Variants in POU2F3 observed in about 807,000 individuals in gnomAD.
The protein encoded by POU2F3 is POU domain, class 2, transcription factor 3.
POU2F3 carries 23 observed loss-of-function variants against 59.2 expected under a neutral mutation model. The observed-to-expected ratio is 0.39, with a 90% CI of 0.28 to 0.55. The LOEUF is 0.55. Ranked by LOEUF, POU2F3 falls within the 20% of genes least tolerant of loss-of-function variation. The probability of loss-of-function intolerance (pLI) is 0.66; values close to 1 mark genes in which losing one functional copy is unlikely to be tolerated. For synonymous variants in POU2F3, 190 were observed against 214.6 expected (o/e 0.89, Z 1.00); for missense variants, 473 against 544.5 (o/e 0.87, Z 1.31).
At chr11:120,266,581 C>T (rs986155021) in intron 2 of POU2F3, among the ~76,000 whole-genome samples, 4 of 152,140 alleles carry the variant, frequency 2.6e-5, no homozygotes, top group African/African-American at 9.7e-5. Flanking sequence ...TGTCCCTCAG[C>T]GTGCAAGCCT....
intron 2 of POU2F3, among the ~76,000 whole-genome samples, chr11:120,263,778 G>T (rs992128904): frequency 2.6e-5 from 4 of 152,190 alleles, no homozygotes; most frequent in Non-Finnish European, 4.4e-5. Context: ...TCCTTTTCTG[G>T]TTTTTCTGCA....
At chr11:120,260,648 G>C (rs1939555300) in intron 2 of POU2F3, among the ~76,000 whole-genome samples, 1 of 152,210 alleles carries the variant, frequency 6.6e-6, no homozygotes, top group Admixed American at 6.5e-5. Flanking sequence ...TCCAACTGCA[G>C]CTTGGCTTCT....
intron 1 of POU2F3, among the ~76,000 whole-genome samples, chr11:120,241,088 A>G (rs1317809891): frequency 2.0e-5 from 3 of 152,220 alleles, no homozygotes; most frequent in Admixed American, 2.0e-4. Context: ...CTCCTTCCAC[A>G]GCTGGGCTAA....
chr11:120,252,486 G>T (rs997343847), intron 2 of POU2F3, among the ~76,000 whole-genome samples: 2 of 152,170 alleles, frequency 1.3e-5, no homozygotes, highest in African/African-American at 4.8e-5. Flanking sequence ...GGGATTACAG[G>T]CATGAGCCTC....
intron 3 of POU2F3, among the ~76,000 whole-genome samples, chr11:120,280,723 C>G (rs1940531475): frequency 6.6e-6 from 1 of 152,162 alleles, no homozygotes; most frequent in Non-Finnish European, 1.5e-5. Flanking sequence ...TGACATGTGT[C>G]CAGTACTTTT....
intron 3 of POU2F3, among the ~76,000 whole-genome samples, chr11:120,274,549 C>T (rs967835767): frequency 6.6e-6 from 1 of 152,162 alleles, no homozygotes; most frequent in African/African-American, 2.4e-5. Flanking sequence ...TTGGTGGAAC[C>T]ACAACCTATC....
rs147219684 is a variant in POU2F3, at chr11:120,317,290, C to G, written c.1197C>G (p.His399Gln). 6.2e-7 allele frequency: 1 copy of G among 1,613,990 alleles called. No homozygotes were observed. Among genetic ancestry groups the G allele is most frequent in the East Asian group, 2.2e-5 (1 of 44,882 alleles). ...SRPSSPGSGL[H>Q]ASSPTASQNN... ...CTTCATCTCCTGGCTCAGGACTCCACGCCAGCAGCCCCACTGCATCTCAAA... is the reference window on the plus strand; with the variant it reads ...CTTCATCTCCTGGCTCAGGACTCCAGGCCAGCAGCCCCACTGCATCTCAAA... The change falls in exon 12 of 13, where the codon CAC (histidine) becomes CAG (glutamine). Residue 399 changes from histidine to glutamine, a missense_variant. Physicochemically the swap from His to Gln is conservative, Grantham distance 24. Coordinates refer to ENST00000543440, the MANE Select transcript of POU2F3 (RefSeq NM_014352.4).
At chr11:120,290,311 A>G (rs1008965746) in intron 3 of POU2F3, among the ~76,000 whole-genome samples, 1 of 152,236 alleles carries the variant, frequency 6.6e-6, no homozygotes, top group African/African-American at 2.4e-5. Flanking sequence ...ACTCTCAGTA[A>G]CTATTTGGGC....
intron 2 of POU2F3, among the ~76,000 whole-genome samples, chr11:120,268,296 C>G (rs1364842389): frequency 6.6e-6 from 1 of 151,996 alleles, no homozygotes; most frequent in African/African-American, 2.4e-5. Flanking sequence ...CTACTTTAGA[C>G]TTTTTCTGAA....
At chr11:120,311,060 GA>G (rs766437236) in intron 10 of POU2F3, among the ~76,000 whole-genome samples, 1 of 152,152 alleles carries the variant, frequency 6.6e-6, no homozygotes, top group Non-Finnish European at 1.5e-5. Flanking sequence ...TCTCCCAGGG[GA>G]AAGTACAAGG....
At chr11:120,261,019 T>C (rs1040446845) in intron 2 of POU2F3, among the ~76,000 whole-genome samples, 1 of 151,914 alleles carries the variant, frequency 6.6e-6, no homozygotes, top group Non-Finnish European at 1.5e-5. Flanking sequence ...TGAGCCATGA[T>C]TGCACCACTG....
At chr11:120,243,660 G>GT (rs1174631449) in intron 1 of POU2F3, among the ~76,000 whole-genome samples, 16 of 152,212 alleles carry the variant, frequency 1.1e-4, no homozygotes, top group African/African-American at 3.6e-4. Context: ...GGGTTACAGT[G>GT]TCTCAGGGAG....
intron 2 of POU2F3, among the ~76,000 whole-genome samples, chr11:120,258,638 T>C (rs917976175): frequency 2.6e-5 from 4 of 152,174 alleles, no homozygotes; most frequent in African/African-American, 9.7e-5. Context: ...TCCTTTGAAG[T>C]TGGACTTTTA....
At chr11:120,299,494 G>T in intron 4 of POU2F3, 130 bp from the exon 5 acceptor site, 1 of 672,832 alleles carries the variant, frequency 1.5e-6, no homozygotes. Context: ...GATACACAGT[G>T]GCATAAACCA....
At chr11:120,297,003 A>G (rs1337729797) in intron 3 of POU2F3, among the ~76,000 whole-genome samples, 1 of 152,222 alleles carries the variant, frequency 6.6e-6, no homozygotes, top group African/African-American at 2.4e-5. Flanking sequence ...CAAACAGAAG[A>G]TATCCCAGGA....
In POU2F3 at chr11:120,318,446, G is replaced by C; in HGVS notation, c.*54G>C. On this transcript the variant is annotated 3_prime_UTR_variant, in exon 13 of 13. Transcript: ENST00000543440. ...GCCCTGTATTCCCCCTGGAAGGAAG[G>C]GAATCATGCCTTCTATATACAGACA... 1 of 1,504,320 alleles carries C rather than the reference G, an allele frequency of 6.6e-7. No homozygotes were observed. The highest frequency in any genetic ancestry group is 9.3e-7 in the Non-Finnish European group (1 of 1,080,400). The allele number at this position is 1,504,320 out of a possible 1,614,324, so 93.2% of individuals were successfully genotyped here.
In POU2F3 at chr11:120,240,267, T is replaced by C. The variant is rs1001983592; in HGVS notation, c.-77T>C. The C allele has an allele frequency of 6.3e-6, 8 of 1,268,854 alleles. No homozygotes were observed. The highest frequency in any genetic ancestry group is 1.5e-5 in the African/African-American group (1 of 64,700). 78.6% of individuals were successfully genotyped at this position (1,268,854 alleles called of 1,614,324 possible). On this transcript the variant is annotated 5_prime_UTR_variant, in exon 1 of 13. Transcript: ENST00000543440. ...GCCGGGAACTGGAGGAAGGAGACCCTGGCTTCGCAGGGGCCCCGGCTGGGG... is the reference window on the plus strand; with the variant it reads ...GCCGGGAACTGGAGGAAGGAGACCCCGGCTTCGCAGGGGCCCCGGCTGGGG...
intron 2 of POU2F3, chr11:120,256,004 G>A (rs970040629): frequency 6.6e-6 from 1 of 152,172 alleles, no homozygotes; most frequent in African/African-American, 2.4e-5. Context: ...ACAAACCTGC[G>A]AACTCACCTG....
At chr11:120,315,270 G>A (rs1351622739) in intron 10 of POU2F3, 91 bp from the exon 11 acceptor site, 2 of 1,206,076 alleles carry the variant, frequency 1.7e-6, no homozygotes, top group Non-Finnish European at 1.2e-6. Flanking sequence ...CCTGGTCTCT[G>A]TAGAGTCTGG....
Sources: allele counts gnomAD v4.1 joint callset (sites outside exome capture counted in the v4.1 genomes callset), GRCh38; gene constraint gnomAD v4.1.1; transcripts MANE v1.5; gene names NCBI Gene and HGNC (gene_info 2026-07-23, HGNC 2026-07-21).